The following AGPS variants were observed in gnomAD, a reference collection of about 807,000 sequenced individuals.
AGPS encodes alkyldihydroxyacetonephosphate synthase, peroxisomal.
A neutral mutation model predicts 90.7 loss-of-function variants in AGPS; 26 were observed. The ratio of observed to expected loss-of-function variants is 0.29; its 90% confidence interval spans 0.21 to 0.40. AGPS has a LOEUF of 0.40. Among genes scored for constraint, AGPS ranks in the 10% least tolerant of loss-of-function variants. The probability of loss-of-function intolerance (pLI) is 1.00; values close to 1 mark genes in which losing one functional copy is unlikely to be tolerated. For synonymous variants in AGPS, 294 were observed against 285.3 expected (o/e 1.03, Z -0.31); for missense variants, 540 against 816.1 (o/e 0.66, Z 4.12).
intron 12 of AGPS, among the ~76,000 whole-genome samples, chr2:177,497,414 T>C (rs576964225): frequency 6.6e-6 from 1 of 152,032 alleles, no homozygotes; most frequent in Non-Finnish European, 1.5e-5. Flanking sequence ...ATGTGTAGTA[T>C]TAATTACATA....
intron 9 of AGPS, among the ~76,000 whole-genome samples, chr2:177,466,148 T>G (rs905971980): frequency 6.6e-6 from 1 of 151,926 alleles, no homozygotes; most frequent in Non-Finnish European, 1.5e-5. Context: ...CTGATGAGTG[T>G]TTAGCCCTCA....
At chr2:177,428,355 C>T (rs1478669180) in intron 2 of AGPS, among the ~76,000 whole-genome samples, 1 of 152,180 alleles carries the variant, frequency 6.6e-6, no homozygotes, top group African/African-American at 2.4e-5. Flanking sequence ...GAATTTGATC[C>T]TGTCATCATG....
chr2:177,466,111 G>A (rs1687439813), intron 9 of AGPS, among the ~76,000 whole-genome samples: 1 of 152,184 alleles, frequency 6.6e-6, no homozygotes, highest in Non-Finnish European at 1.5e-5. Flanking sequence ...CCCACAGAGG[G>A]TAGTTCCTCT....
At chr2:177,459,701 C>A (rs114064672) in intron 8 of AGPS, among the ~76,000 whole-genome samples, 1,604 of 152,236 alleles carry the variant, frequency 0.011, 36 homozygotes, top group African/African-American at 0.037. Context: ...AAAATAGGAA[C>A]GCTCTTATGC....
At chr2:177,459,847 G>A (rs534657649) in intron 8 of AGPS, among the ~76,000 whole-genome samples, 4 of 152,186 alleles carry the variant, frequency 2.6e-5, no homozygotes, top group Admixed American at 6.5e-5. Flanking sequence ...ATCAGCCTAC[G>A]ATAAAGACAC....
At chr2:177,489,114 T>C (rs1318058348) in intron 11 of AGPS, among the ~76,000 whole-genome samples, 3 of 148,394 alleles carry the variant, frequency 2.0e-5, no homozygotes, top group African/African-American at 7.5e-5. Flanking sequence ...AAACGGAGTC[T>C]CGCTCTATTG....
intron 11 of AGPS, among the ~76,000 whole-genome samples, chr2:177,484,215 T>C (rs979007894): frequency 4.6e-5 from 7 of 152,214 alleles, no homozygotes; most frequent in Admixed American, 4.6e-4. Flanking sequence ...TTTTTTAAAA[T>C]GAATAAAAGG....
At chr2:177,446,282 T>C (rs1311729266) in intron 8 of AGPS, among the ~76,000 whole-genome samples, 1 of 152,130 alleles carries the variant, frequency 6.6e-6, no homozygotes, top group Non-Finnish European at 1.5e-5. Flanking sequence ...GCCTCCCCAG[T>C]AGCTGGGACT....
chr2:177,468,587 C>T, intron 10 of AGPS, 63 bp downstream of exon 10: 1 of 1,152,574 alleles, frequency 8.7e-7, no homozygotes, highest in Non-Finnish European at 1.3e-6. Flanking sequence ...TTGTGAAAAT[C>T]TTTATATTGT....
chr2:177,438,319 G>C (rs564236728), intron 5 of AGPS, among the ~76,000 whole-genome samples: 1 of 152,284 alleles, frequency 6.6e-6, no homozygotes, highest in Admixed American at 6.5e-5. Flanking sequence ...TACTCAGAAT[G>C]ATGACGCAGG....
intron 2 of AGPS, among the ~76,000 whole-genome samples, chr2:177,425,370 C>T (rs1304395104): frequency 1.3e-5 from 2 of 152,008 alleles, no homozygotes; most frequent in African/African-American, 2.4e-5. Context: ...CCCGTAATCC[C>T]AGCACTTTGG....
At chr2:177,442,899 C>T (rs1317277746) in intron 7 of AGPS, among the ~76,000 whole-genome samples, 1 of 150,772 alleles carries the variant, frequency 6.6e-6, no homozygotes, top group Admixed American at 6.6e-5. Context: ...ACATTTTACC[C>T]TTGTATTCAG....
intron 12 of AGPS, 109 bp from the exon 13 acceptor site, chr2:177,497,580 A>C: frequency 2.1e-6 from 1 of 469,968 alleles, no homozygotes; most frequent in Non-Finnish European, 3.8e-6. Context: ...TTTAAAAATT[A>C]AAGTTGTGAA....
In AGPS at chr2:177,497,679, C is replaced by T; in HGVS notation, c.1286-10C>T. On this transcript the variant is annotated splice_polypyrimidine_tract_variant and intron_variant, in intron 12 of 19. Coordinates refer to ENST00000264167, the MANE Select transcript of AGPS (RefSeq NM_003659.4). ...CTAACCTATTAATATAAACTTTTTT[C>T]TCTTCTTAGGTCATGCTCTTAAACC... The T allele has an allele frequency of 1.3e-6, 2 of 1,501,006 alleles. No homozygotes were observed. Among genetic ancestry groups the T allele is most frequent in the Admixed American group, 1.9e-5 (1 of 52,102 alleles). The allele number at this position is 1,501,006 out of a possible 1,614,324, so 93.0% of individuals were successfully genotyped here.
chr2:177,421,860 C>G (rs556284932), intron 2 of AGPS, among the ~76,000 whole-genome samples: 50 of 152,238 alleles, frequency 3.3e-4, no homozygotes, highest in African/African-American at 1.2e-3. Flanking sequence ...ATTTCTCCTT[C>G]TCTTTTTCTC....
intron 16 of AGPS, among the ~76,000 whole-genome samples, chr2:177,508,573 A>G (rs1268157507): frequency 6.6e-6 from 1 of 152,204 alleles, no homozygotes; most frequent in African/African-American, 2.4e-5. Flanking sequence ...CAAATAAGAT[A>G]GATGGAAATA....
chr2:177,476,246 A>G (rs557834515), intron 10 of AGPS, among the ~76,000 whole-genome samples: 2 of 151,794 alleles, frequency 1.3e-5, no homozygotes, highest in South Asian at 2.1e-4. Flanking sequence ...TTCTTTTTCT[A>G]GTAGCTTAAG....
At chr2:177,442,374 A>T (rs769349703) in intron 6 of AGPS, 33 bp from the exon 7 acceptor site, 1 of 1,512,914 alleles carries the variant, frequency 6.6e-7, no homozygotes, top group South Asian at 1.1e-5. Flanking sequence ...CAGAATATTT[A>T]AACATAAAAG....
chr2:177,441,694 A>G (rs1325855747), intron 6 of AGPS, among the ~76,000 whole-genome samples: 1 of 152,204 alleles, frequency 6.6e-6, no homozygotes, highest in Non-Finnish European at 1.5e-5. Context: ...TGCAGAACTT[A>G]TGGAAGTATC....
Sources: allele counts gnomAD v4.1 joint callset (sites outside exome capture counted in the v4.1 genomes callset), GRCh38; gene constraint gnomAD v4.1.1; transcripts MANE v1.5; gene names NCBI Gene and HGNC (gene_info 2026-07-23, HGNC 2026-07-21).